Variants in PBX1 observed in about 807,000 individuals in gnomAD.
The protein encoded by PBX1 is pre-B-cell leukemia transcription factor 1.
PBX1 carries 6 observed loss-of-function variants against 53.4 expected under a neutral mutation model. That is an observed-to-expected ratio of 0.11 (90% confidence interval 0.06 to 0.22). The LOEUF (loss-of-function observed/expected upper bound fraction) is 0.22. PBX1 is among the 10% of genes least tolerant of loss of function. The probability of loss-of-function intolerance (pLI) is 1.00; values close to 1 mark genes in which losing one functional copy is unlikely to be tolerated. For synonymous variants in PBX1, 204 were observed against 212.3 expected, an observed-to-expected ratio of 0.96 and a Z score of 0.34; for missense variants, 251 against 551.4, an observed-to-expected ratio of 0.46 and a Z score of 5.46.
intron 6 of PBX1, chr1:164,816,291 AG>A (rs1415246590): frequency 6.6e-6 from 1 of 152,178 alleles, no homozygotes; most frequent in African/African-American, 2.4e-5. Context: ...GAAATGGAAA[AG>A]CAAGCATGCA....
chr1:164,650,985 C>T (rs533894861), intron 2 of PBX1, among the ~76,000 whole-genome samples: 24 of 150,754 alleles, frequency 1.6e-4, no homozygotes, highest in African/African-American at 5.6e-4. Flanking sequence ...TCAGCCTAGA[C>T]CTTAAGAGGT....
At chr1:164,681,189 G>A (rs1278210730) in intron 2 of PBX1, among the ~76,000 whole-genome samples, 1 of 152,160 alleles carries the variant, frequency 6.6e-6, no homozygotes, top group Non-Finnish European at 1.5e-5. Context: ...AGGCTATAGT[G>A]TGAGATCCTA....
chr1:164,582,550 G>C (rs1334065143), intron 2 of PBX1, among the ~76,000 whole-genome samples: 1 of 151,854 alleles, frequency 6.6e-6, no homozygotes, highest in Admixed American at 6.6e-5. Flanking sequence ...AGCCTCCCGA[G>C]TAGCTGGGAT....
intron 2 of PBX1, among the ~76,000 whole-genome samples, chr1:164,693,481 G>A (rs1478053229): frequency 1.3e-5 from 2 of 152,094 alleles, no homozygotes; most frequent in Non-Finnish European, 2.9e-5. Flanking sequence ...TTTAGGTAGG[G>A]TCCCCACTAT....
rs1667987129 is a variant in PBX1, at chr1:164,782,569, A to G, written c.266-9925A>G. Among the ~76,000 whole-genome samples the G allele has an allele frequency of 2.6e-5, 4 of 152,260 alleles. 1 individual carries two copies. Among genetic ancestry groups the G allele is most frequent in the Admixed American group, 2.6e-4 (4 of 15,284 alleles). On this transcript the variant is annotated intron_variant, in intron 2 of 8. Coordinates refer to ENST00000420696, the MANE Select transcript of PBX1 (RefSeq NM_002585.4). ...ATTGTATTAGGAACCCTGCCTTTGAATTATTCAGCAATTTTCAAAAACTGG... is the reference window on the plus strand; with the variant it reads ...ATTGTATTAGGAACCCTGCCTTTGAGTTATTCAGCAATTTTCAAAAACTGG...
intron 3 of PBX1, among the ~76,000 whole-genome samples, chr1:164,799,307 A>G (rs375903563): frequency 6.6e-6 from 1 of 152,006 alleles, no homozygotes; most frequent in African/African-American, 2.4e-5. Flanking sequence ...TGGCTAACAC[A>G]GTGAAACCCC....
chr1:164,573,358 TTAAA>T (rs1159581329), intron 2 of PBX1, among the ~76,000 whole-genome samples: 1 of 152,098 alleles, frequency 6.6e-6, no homozygotes, highest in African/African-American at 2.4e-5. Context: ...CTTATTTAAC[TTAAA>T]TACATTGAAA....
intron 2 of PBX1, among the ~76,000 whole-genome samples, chr1:164,565,079 C>A (rs950758942): frequency 6.6e-6 from 1 of 151,854 alleles, no homozygotes; most frequent in Non-Finnish European, 1.5e-5. Context: ...ACATTGTGGC[C>A]AAAGTGCTTA....
rs1652856391 is a variant in PBX1 at position 164,559,508 on chromosome 1, T to G, written c.-315T>G. 5 of 316,514 alleles carry G rather than the reference T, an allele frequency of 1.6e-5. No homozygotes were observed. Among genetic ancestry groups the G allele is most frequent in the Middle Eastern group, 8.4e-4 (1 of 1,186 alleles). The allele number at this position is 316,514 out of a possible 1,614,324, so 19.6% of individuals were successfully genotyped here. A position where few individuals can be genotyped will look rare whatever the true frequency, so the allele number is the denominator to read the frequency against. On this transcript the variant is annotated 5_prime_UTR_variant, in exon 1 of 9. Transcript: ENST00000420696. ...CTGAAAAACCTAAAGCCAGCTCTGA[T>G]TTCTTTTCGCCAAGTGGGAAGGTGG...
chr1:164,644,801 A>G (rs1007723709), intron 2 of PBX1, among the ~76,000 whole-genome samples: 2 of 152,082 alleles, frequency 1.3e-5, no homozygotes, highest in African/African-American at 4.8e-5. Flanking sequence ...AACGTCCAGG[A>G]TGTTGTGTGG....
chr1:164,872,204 C>T (rs1363546501), intron 2 of PBX1, among the ~76,000 whole-genome samples: 1 of 152,224 alleles, frequency 6.6e-6, no homozygotes, highest in African/African-American at 2.4e-5. Flanking sequence ...CTACAAAATT[C>T]TTCACAGGCA....
intron 2 of PBX1, among the ~76,000 whole-genome samples, chr1:164,640,218 T>G (rs2101898290): frequency 6.6e-6 from 1 of 152,278 alleles, no homozygotes; most frequent in South Asian, 2.1e-4. Flanking sequence ...TGCATCTTTT[T>G]TGCTCTGTTT....
chr1:164,649,637 C>T (rs6668422), intron 2 of PBX1, among the ~76,000 whole-genome samples: 75,289 of 151,922 alleles, frequency 0.5, 19,029 homozygotes, highest in Admixed American at 0.55. Flanking sequence ...CAGTCTGCTG[C>T]ACCTGGCCTC....
At chr1:164,578,574 G>C (rs1484620219) in intron 2 of PBX1, among the ~76,000 whole-genome samples, 1 of 152,122 alleles carries the variant, frequency 6.6e-6, no homozygotes, top group Non-Finnish European at 1.5e-5. Context: ...GTGAGTTGTG[G>C]CCCTTACCCT....
intron 2 of PBX1, among the ~76,000 whole-genome samples, chr1:164,629,689 A>G (rs918049634): frequency 6.6e-6 from 1 of 152,196 alleles, no homozygotes; most frequent in Non-Finnish European, 1.5e-5. Flanking sequence ...TTTTACTGTC[A>G]AGCTAATTTC....
chr1:164,788,480 C>T (rs893570696), intron 2 of PBX1, among the ~76,000 whole-genome samples: 5 of 151,438 alleles, frequency 3.3e-5, no homozygotes, highest in Middle Eastern at 3.2e-3. Flanking sequence ...ATTCTCCTTG[C>T]GCTGGCTACA....
rs181168321 is a variant in PBX1, at chr1:164,761,570, G to A, written c.266-30924G>A. Reference sequence around the variant, plus strand: ...CGCCATTCTCCTGCCTCAGCCTCCCGTGTAGCTGGGACTACAGGTGCGCGC... The same window carrying A: ...CGCCATTCTCCTGCCTCAGCCTCCCATGTAGCTGGGACTACAGGTGCGCGC... On this transcript the variant is annotated intron_variant, in intron 2 of 8. Transcript: ENST00000420696. 4.2e-3 allele frequency among the ~76,000 whole-genome samples: 634 copies of A among 151,970 alleles called. 12 individuals carry two copies. Among genetic ancestry groups the A allele is most frequent in the Admixed American group, 0.032 (489 of 15,256 alleles).
intron 2 of PBX1, among the ~76,000 whole-genome samples, chr1:164,596,880 A>G (rs545782086): frequency 3.2e-4 from 49 of 152,278 alleles, no homozygotes; most frequent in Non-Finnish European, 5.7e-4. Flanking sequence ...TTAAAAAAAA[A>G]AAAAGAAATT....
intron 2 of PBX1, among the ~76,000 whole-genome samples, chr1:164,878,150 G>T (rs1355892619): frequency 6.6e-6 from 1 of 152,102 alleles, no homozygotes; most frequent in African/African-American, 2.4e-5. Flanking sequence ...TCGAATTCCA[G>T]TTCTGTCATT....
Sources: gnomAD v4.1 joint callset for allele counts (sites outside exome capture counted in the v4.1 genomes callset) on GRCh38, gnomAD v4.1.1 for gene constraint, MANE v1.5 for transcripts, NCBI Gene and HGNC (gene_info 2026-07-23, HGNC 2026-07-21) for gene names.